IL1RAPL2: variants seen among roughly 807,000 people sequenced by gnomAD.
The protein encoded by IL1RAPL2 is interleukin 1 receptor accessory protein like 2, also known as X-linked interleukin-1 receptor accessory protein-like 2.
In IL1RAPL2, 3 loss-of-function variants were observed where a neutral mutation model predicts 44.1. The observed-to-expected ratio is 0.07, with a 90% confidence interval of 0.03 to 0.18. The LOEUF (loss-of-function observed/expected upper bound fraction) is 0.18, where lower values mean the gene tolerates loss of function less well. Among genes scored for constraint, IL1RAPL2 ranks in the 10% least tolerant of loss-of-function variants. The pLI, the probability that IL1RAPL2 is intolerant of heterozygous loss-of-function variation, is 1.00. For synonymous variants in IL1RAPL2, 181 were observed against 178.8 expected (o/e 1.01, Z -0.10); for missense variants, 391 against 496.4 (o/e 0.79, Z 2.02).
intron 2 of IL1RAPL2, among the ~76,000 whole-genome samples, chrX:105,172,103 G>T (rs1206054773): frequency 8.9e-6 from 1 of 112,043 alleles, no homozygotes; most frequent in African/African-American, 3.3e-5. Flanking sequence ...GAGGGTAAAG[G>T]GTTTGAACAG....
At chrX:105,326,227 AT>A (rs1198298481) in intron 5 of IL1RAPL2, among the ~76,000 whole-genome samples, 2 of 108,931 alleles carry the variant, frequency 1.8e-5, no homozygotes, top group South Asian at 4.0e-4. Flanking sequence ...AATTTTTAAA[AT>A]TTTTTTTTGA....
chrX:105,455,315 C>T (rs2147763772), intron 5 of IL1RAPL2, among the ~76,000 whole-genome samples: 1 of 112,197 alleles, frequency 8.9e-6, no homozygotes, highest in East Asian at 2.8e-4. Context: ...TGCAGAAGCT[C>T]TCTAATTTAA....
rs1202637545 is a variant in IL1RAPL2, at chrX:105,462,863, C to T, written c.698-21450C>T. ...ATGGTCTTTTGCCCAACTCACTTCA[C>T]ACTACTCATCTTTGGTTCAAATCCC... On this transcript the variant is annotated intron_variant, in intron 5 of 10. Coordinates refer to ENST00000372582, the MANE Select transcript of IL1RAPL2 (RefSeq NM_017416.2). Among the ~76,000 whole-genome samples the T allele has an allele frequency of 2.7e-5, 3 of 110,875 alleles. No homozygotes were observed. In the East Asian group the frequency reaches 8.6e-4, roughly 32 times the overall value.
At chrX:105,537,765 T>TA (rs1328307348) in intron 6 of IL1RAPL2, among the ~76,000 whole-genome samples, 3 of 111,224 alleles carry the variant, frequency 2.7e-5, no homozygotes, top group Non-Finnish European at 5.7e-5. Context: ...GGGTGACAAA[T>TA]AATAAGTAGT....
chrX:105,214,005 C>G (rs1025072154), intron 3 of IL1RAPL2, among the ~76,000 whole-genome samples: 3 of 107,565 alleles, frequency 2.8e-5, no homozygotes, highest in South Asian at 8.5e-4. Flanking sequence ...AAAACCGGTA[C>G]CAGCCACTGC....
At chrX:104,894,170 C>A (rs1923561431) in intron 2 of IL1RAPL2, among the ~76,000 whole-genome samples, 1 of 112,017 alleles carries the variant, frequency 8.9e-6, no homozygotes, top group East Asian at 2.8e-4. Flanking sequence ...GTTTGATGGG[C>A]TTCCCTTTGT....
intron 1 of IL1RAPL2, among the ~76,000 whole-genome samples, chrX:104,623,942 T>C (rs1165114910): frequency 9.0e-6 from 1 of 111,693 alleles, no homozygotes; most frequent in Non-Finnish European, 1.9e-5. Context: ...TCCTGTCAAT[T>C]CATGGTAAAG....
At chrX:105,598,533 T>C (rs1305963456) in intron 6 of IL1RAPL2, among the ~76,000 whole-genome samples, 1 of 111,894 alleles carries the variant, frequency 8.9e-6, no homozygotes, top group East Asian at 2.8e-4. Flanking sequence ...ACTGTGTATA[T>C]ATCTATGAAA....
At chrX:105,423,710 T>C (rs1471279929) in intron 5 of IL1RAPL2, among the ~76,000 whole-genome samples, 2 of 111,232 alleles carry the variant, frequency 1.8e-5, no homozygotes, top group Non-Finnish European at 3.8e-5. Context: ...TAGGGATGGT[T>C]CTCAGGCTGA....
At chrX:105,260,079 G>A (rs1181329884) in intron 4 of IL1RAPL2, among the ~76,000 whole-genome samples, 1 of 112,405 alleles carries the variant, frequency 8.9e-6, no homozygotes, top group Non-Finnish European at 1.9e-5. Flanking sequence ...AAGGAGGTGG[G>A]TGGAGACCCT....
chrX:105,426,016 G>GTTTTTTTTT (rs749722375), intron 5 of IL1RAPL2, among the ~76,000 whole-genome samples: 6 of 89,590 alleles, frequency 6.7e-5, no homozygotes, highest in Non-Finnish European at 9.0e-5. Flanking sequence ...TATTTTTTCT[G>GTTTTTTTTT]TTTTTTTTTT....
intron 1 of IL1RAPL2, among the ~76,000 whole-genome samples, chrX:104,606,309 G>A (rs1401547509): frequency 1.8e-5 from 2 of 111,594 alleles, no homozygotes; most frequent in Admixed American, 1.9e-4. Flanking sequence ...AGGTATCAGT[G>A]GAACATATCA....
chrX:105,129,787 A>G (rs1396871811), intron 2 of IL1RAPL2, among the ~76,000 whole-genome samples: 1 of 109,846 alleles, frequency 9.1e-6, no homozygotes, highest in Non-Finnish European at 1.9e-5. Flanking sequence ...CTCACCATCC[A>G]CCAAAGCCCA....
intron 2 of IL1RAPL2, among the ~76,000 whole-genome samples, chrX:104,904,888 A>G (rs1195588547): frequency 9.0e-6 from 1 of 111,133 alleles, no homozygotes; most frequent in African/African-American, 3.3e-5. Flanking sequence ...ACTGACTTCC[A>G]CAATGGTTGA....
intron 2 of IL1RAPL2, among the ~76,000 whole-genome samples, chrX:104,988,314 A>C (rs1176477954): frequency 8.9e-6 from 1 of 112,350 alleles, no homozygotes. Context: ...ACAAAGGTTA[A>C]ATTTTCTACT....
At chrX:105,310,120 G>A (rs1432957669) in intron 5 of IL1RAPL2, among the ~76,000 whole-genome samples, 1 of 111,342 alleles carries the variant, frequency 9.0e-6, no homozygotes, top group Non-Finnish European at 1.9e-5. Context: ...TTATGAGCAG[G>A]TTTTTGGAGA....
At position 105,429,690 on chromosome X, in the gene IL1RAPL2, G is replaced by A. The variant is rs994258523; in HGVS notation, c.698-54623G>A. On this transcript the variant is annotated intron_variant, in intron 5 of 10. Transcript: ENST00000372582. ...ATATTTTCTGCTTTGTGAACCAAATGATCTGTCACAGCTACTCAACTCTGC... is the reference window on the plus strand; with the variant it reads ...ATATTTTCTGCTTTGTGAACCAAATAATCTGTCACAGCTACTCAACTCTGC... Among the ~76,000 whole-genome samples the A allele has an allele frequency of 3.6e-5, 4 of 111,672 alleles. No homozygotes were observed. The East Asian group carries it at 8.5e-4, about 24-fold the overall frequency.
intron 2 of IL1RAPL2, among the ~76,000 whole-genome samples, chrX:104,756,815 T>C (rs1293755833): frequency 9.1e-6 from 1 of 109,754 alleles, no homozygotes; most frequent in East Asian, 2.9e-4. Context: ...GTGAAGGAAC[T>C]AGCCATGTGG....
At chrX:105,731,665 A>G (rs1862188420) in intron 7 of IL1RAPL2, among the ~76,000 whole-genome samples, 2 of 111,318 alleles carry the variant, frequency 1.8e-5, no homozygotes, top group Admixed American at 1.9e-4. Flanking sequence ...TTGCAGCAAC[A>G]TGGATGGAAC....
Sources: allele counts gnomAD v4.1 joint callset (sites outside exome capture counted in the v4.1 genomes callset), GRCh38; gene constraint gnomAD v4.1.1; transcripts MANE v1.5; gene names NCBI Gene and HGNC (gene_info 2026-07-23, HGNC 2026-07-21).